HERC1: variants seen among roughly 807,000 people sequenced by gnomAD.
HERC1 encodes the protein HECT and RLD domain containing E3 ubiquitin protein ligase family member 1, also known as probable E3 ubiquitin-protein ligase HERC1.
A neutral mutation model predicts 554.3 loss-of-function variants in HERC1; 160 were observed. That is an observed-to-expected ratio of 0.29 (90% CI 0.25 to 0.33). HERC1 has a LOEUF of 0.33. HERC1 is among the 10% of genes least tolerant of loss of function. The pLI, the probability that HERC1 is intolerant of heterozygous loss-of-function variation, is 1.00. For missense variants in HERC1, 4,919 were observed against 5,918.5 expected (o/e 0.83, Z 5.54); for synonymous variants, 2,175 against 2,131.7 (o/e 1.02, Z -0.56).
At chr15:63,789,759 C>G (rs915450333) in intron 1 of HERC1, among the ~76,000 whole-genome samples, 1 of 151,462 alleles carries the variant, frequency 6.6e-6, no homozygotes, top group Non-Finnish European at 1.5e-5. Flanking sequence ...GATGATGCCA[C>G]CCAGGTCTCT....
intron 1 of HERC1, among the ~76,000 whole-genome samples, chr15:63,794,772 A>C (rs2076760169): frequency 6.6e-6 from 1 of 152,136 alleles, no homozygotes; most frequent in Non-Finnish European, 1.5e-5. Flanking sequence ...CCAGCAGTTT[A>C]AGAAAAACAC....
At position 63,696,335 on chromosome 15, in the gene HERC1, C is replaced by G; in HGVS notation, c.4910G>C (p.Arg1637Pro). Residue 1637 changes from arginine (R) to proline (P), a missense_variant, in exon 27 of 78, where the codon CGT (arginine) becomes CCT (proline). Coordinates refer to ENST00000443617, the MANE Select transcript of HERC1 (RefSeq NM_003922.4). ...GAGGATCTGATGAAGTGCCTCTAAA[C>G]GAAGCTTGAGGAAAAAAACATATTT... Reference protein sequence around the residue: ...MEQQQLRAELRLEALHQILVL... With the variant: ...MEQQQLRAELPLEALHQILVL... The G allele has an allele frequency of 6.2e-7, 1 of 1,607,524 alleles. No homozygotes were observed. Among genetic ancestry groups the G allele is most frequent in the Non-Finnish European group, 8.5e-7 (1 of 1,176,452 alleles).
At chr15:63,792,951 CT>C (rs1380995021) in intron 1 of HERC1, among the ~76,000 whole-genome samples, 1 of 152,340 alleles carries the variant, frequency 6.6e-6, no homozygotes, top group Non-Finnish European at 1.5e-5. Flanking sequence ...GGTTTGATTA[CT>C]TTCTAGAGCA....
intron 1 of HERC1, among the ~76,000 whole-genome samples, chr15:63,826,803 AAAAAAAAAAAAATATATAT>A (rs1465253613): frequency 5.4e-5 from 4 of 73,664 alleles, no homozygotes; most frequent in Non-Finnish European, 1.0e-4. Context: ...AAAAAAAAAA[AAAAAAAAAAAAATATATAT>A]ATATATATAT....
intron 1 of HERC1, among the ~76,000 whole-genome samples, chr15:63,808,851 C>T (rs1180327639): frequency 6.6e-6 from 1 of 152,118 alleles, no homozygotes; most frequent in African/African-American, 2.4e-5. Context: ...AAATCACCTC[C>T]CATGTCTTTA....
In HERC1 at chr15:63,615,983, C is replaced by T. The variant is rs1159163073; in HGVS notation, c.13942-63G>A. ...AGAAATGACAGCAAAAAGTATTTTA[C>T]ATACAAATACGGCACAGCAATAACA... is the stretch of plus-strand genomic sequence containing the variant. On this transcript the variant is annotated intron_variant, in intron 75 of 77. Transcript: ENST00000443617. 8.3e-6 allele frequency: 11 copies of T among 1,331,678 alleles called. No individual in the cohort carries two copies. The East Asian group carries it at 1.3e-4, about 15-fold the overall frequency. 82.5% of individuals were successfully genotyped at this position (1,331,678 alleles called of 1,614,324 possible).
intron 1 of HERC1, among the ~76,000 whole-genome samples, chr15:63,809,462 G>A (rs1399053971): frequency 1.3e-5 from 2 of 152,136 alleles, no homozygotes; most frequent in African/African-American, 2.4e-5. Context: ...AGATACATAA[G>A]CAATTACAGT....
chr15:63,653,374 C>T (rs139896454), intron 51 of HERC1, among the ~76,000 whole-genome samples: 3 of 144,470 alleles, frequency 2.1e-5, no homozygotes, highest in African/African-American at 7.8e-5. Context: ...ACCCGGGAGG[C>T]GGGGACTACA....
intron 1 of HERC1, among the ~76,000 whole-genome samples, chr15:63,785,374 C>T (rs1167710264): frequency 6.6e-6 from 1 of 152,086 alleles, no homozygotes; most frequent in Non-Finnish European, 1.5e-5. Flanking sequence ...GCTATAAGTG[C>T]ACCACTGCAC....
At chr15:63,791,301 A>G (rs2076646000) in intron 1 of HERC1, among the ~76,000 whole-genome samples, 1 of 152,214 alleles carries the variant, frequency 6.6e-6, no homozygotes, top group Non-Finnish European at 1.5e-5. Context: ...AAATGTTCCA[A>G]TGAGCATCTC....
chr15:63,687,229 C>T (rs752877656), intron 33 of HERC1, among the ~76,000 whole-genome samples: 37 of 152,128 alleles, frequency 2.4e-4, no homozygotes, highest in Non-Finnish European at 4.9e-4. Context: ...CAGGATATCC[C>T]TGCAAGTTCA....
intron 12 of HERC1, among the ~76,000 whole-genome samples, chr15:63,746,522 T>C (rs929377586): frequency 1.3e-5 from 2 of 152,204 alleles, no homozygotes; most frequent in Admixed American, 6.5e-5. Flanking sequence ...TCTCCTTAGC[T>C]CTGGTTACAG....
intron 1 of HERC1, among the ~76,000 whole-genome samples, chr15:63,823,587 A>G (rs953948344): frequency 6.6e-6 from 1 of 152,200 alleles, no homozygotes; most frequent in Non-Finnish European, 1.5e-5. Flanking sequence ...ACCTCAGAAC[A>G]TTGACAATGG....
At position 63,630,510 on chromosome 15, in the gene HERC1, A is replaced by C. The variant is rs757303666; in HGVS notation, c.12922T>G (p.Ser4308Ala). The C allele has an allele frequency of 2.5e-6, 4 of 1,613,862 alleles. No homozygotes were observed. The African/African-American group carries it at 5.3e-5, about 22-fold the overall frequency. Residue 4308 changes from serine (S) to alanine (A), a missense_variant, in exon 69 of 78, where the codon TCA becomes GCA. This residue lies in a region of HERC1 where 410 missense variants were observed against 467.0 expected (regional missense o/e 0.88). Coordinates refer to ENST00000443617, the MANE Select transcript of HERC1 (RefSeq NM_003922.4). The stretch of plus-strand genomic sequence containing the variant: ...CCCCAGGCATACACATCTCCATTTG[A>C]TGCCAAAGCAAGTGTGTGTTCAGCT... ...VGAEHTLALA[S>A]NGDVYAWGSN...
At chr15:63,774,465 A>C (rs2076058102) in intron 2 of HERC1, among the ~76,000 whole-genome samples, 1 of 152,192 alleles carries the variant, frequency 6.6e-6, no homozygotes, top group Non-Finnish European at 1.5e-5. Flanking sequence ...AGAATCCACA[A>C]AGCTAAAACT....
At position 63,775,668 on chromosome 15, in the gene HERC1, A is replaced by G; in HGVS notation, c.-26-19T>C. 7.3e-7 allele frequency: 1 copy of G among 1,374,040 alleles called. No homozygotes were observed. The highest frequency in any genetic ancestry group is 2.3e-5 in the East Asian group (1 of 43,590). The allele number at this position is 1,374,040 out of a possible 1,614,324, so 85.1% of individuals were successfully genotyped here. On this transcript the variant is annotated intron_variant, in intron 1 of 77. Transcript: ENST00000443617. The surrounding 1 kb of genome is among the most constrained non-coding windows in gnomAD (Gnocchi z 4.0). ...ATTAGTCCTGCAAAGGGAGAAGAGA[A>G]AACAGTCAAAAACATACAGAGGACT... is the stretch of plus-strand genomic sequence containing the variant.
At chr15:63,730,026 C>CAAAA (rs57121923) in intron 14 of HERC1, among the ~76,000 whole-genome samples, 3 of 71,470 alleles carry the variant, frequency 4.2e-5, no homozygotes, top group African/African-American at 5.4e-5. Context: ...AACTATGTCT[C>CAAAA]AAAAAAAAAA....
At chr15:63,809,244 G>A (rs1489621650) in intron 1 of HERC1, among the ~76,000 whole-genome samples, 1 of 152,038 alleles carries the variant, frequency 6.6e-6, no homozygotes, top group African/African-American at 2.4e-5. Context: ...CAAAAATAAA[G>A]GCATGAACCC....
intron 30 of HERC1, among the ~76,000 whole-genome samples, chr15:63,693,117 G>A (rs2072209282): frequency 6.6e-6 from 1 of 152,072 alleles, no homozygotes; most frequent in African/African-American, 2.4e-5. Flanking sequence ...GGCAGAGGTT[G>A]CAGTGAGCCC....
Sources: allele counts gnomAD v4.1 joint callset (sites outside exome capture counted in the v4.1 genomes callset), GRCh38; gene constraint gnomAD v4.1.1; regional missense constraint gnomAD v4.1.1; non-coding constraint Gnocchi (gnomAD v3.1); transcripts MANE v1.5; gene names NCBI Gene and HGNC (gene_info 2026-07-23, HGNC 2026-07-21).